The following GNB1 variants were observed in gnomAD, a reference collection of about 807,000 sequenced individuals.
GNB1 encodes G protein subunit beta 1, also known as guanine nucleotide-binding protein G(I)/G(S)/G(T) subunit beta-1.
Under a neutral mutation model 42.9 loss-of-function variants are expected in GNB1, and 2 were observed. The observed-to-expected ratio is 0.05, with a 90% CI of 0.02 to 0.15. The LOEUF is 0.15. Among genes scored for constraint, GNB1 ranks in the 10% least tolerant of loss-of-function variants. GNB1 has a pLI of 1.00. For synonymous variants in GNB1, 183 were observed against 174.7 expected (o/e 1.05, Z -0.38); for missense variants, 193 against 462.2 (o/e 0.42, Z 5.34).
At chr1:1,844,827 G>A (rs1270730537) in intron 1 of GNB1, among the ~76,000 whole-genome samples, 1 of 152,168 alleles carries the variant, frequency 6.6e-6, no homozygotes, top group Non-Finnish European at 1.5e-5. Context: ...TAAGTGTGGT[G>A]CACATGTAAC....
At chr1:1,837,235 G>C (rs1219451479) in intron 2 of GNB1, among the ~76,000 whole-genome samples, 2 of 150,796 alleles carry the variant, frequency 1.3e-5, no homozygotes, top group African/African-American at 4.9e-5. Context: ...TTATATTTAG[G>C]TATATGATCC....
chr1:1,817,970 C>T, intron 3 of GNB1, 95 bp from the exon 4 acceptor site: 2 of 928,718 alleles, frequency 2.2e-6, no homozygotes, highest in Admixed American at 1.8e-5. Context: ...CTTTCCTAAG[C>T]TGTCAGGAGC....
intron 1 of GNB1, among the ~76,000 whole-genome samples, chr1:1,858,295 G>T (rs180850521): frequency 6.6e-6 from 1 of 152,116 alleles, no homozygotes; most frequent in South Asian, 2.1e-4. Context: ...TTCATCTGTC[G>T]CATCTGTCAA....
chr1:1,852,030 C>T (rs769831683), intron 1 of GNB1, among the ~76,000 whole-genome samples: 8 of 150,986 alleles, frequency 5.3e-5, no homozygotes, highest in East Asian at 2.0e-4. Flanking sequence ...GCAACAAGAG[C>T]GAAACTCCGT....
In GNB1 at chr1:1,798,690, G is replaced by T. The variant is rs1570631502; in HGVS notation, c.431-5379C>A. ...CTGCTTTGATAAAAATCTGAGACTG[G>T]ATCAGAGGGCTGGAAATAAGCTTTT... On this transcript the variant is annotated intron_variant, in intron 7 of 11. Coordinates refer to ENST00000378609, the MANE Select transcript of GNB1 (RefSeq NM_002074.5). Among the ~76,000 whole-genome samples the T allele has an allele frequency of 2.6e-5, 4 of 152,182 alleles. No homozygotes were observed. The South Asian group carries it at 8.3e-4, about 32-fold the overall frequency.
intron 1 of GNB1, among the ~76,000 whole-genome samples, chr1:1,844,112 G>A (rs1451318454): frequency 2.0e-5 from 3 of 151,696 alleles, no homozygotes; most frequent in East Asian, 1.9e-4. Context: ...GGAGAATGGC[G>A]TGACCTCGGG....
intron 1 of GNB1, among the ~76,000 whole-genome samples, chr1:1,854,415 C>T (rs1436419089): frequency 6.6e-6 from 1 of 152,182 alleles, no homozygotes; most frequent in Non-Finnish European, 1.5e-5. Flanking sequence ...TTTATTGTCT[C>T]CATCCTGGAA....
intron 2 of GNB1, among the ~76,000 whole-genome samples, chr1:1,837,766 T>C (rs547271375): frequency 3.4e-5 from 5 of 148,048 alleles, no homozygotes; most frequent in African/African-American, 1.2e-4. Flanking sequence ...GGTTTCACCA[T>C]GTTGGCCAGG....
chr1:1,850,412 G>A (rs1276126177), intron 1 of GNB1, among the ~76,000 whole-genome samples: 1 of 151,728 alleles, frequency 6.6e-6, no homozygotes, highest in African/African-American at 2.4e-5. Context: ...GGATTACAAG[G>A]GTGAGCCACC....
At chr1:1,843,147 T>C (rs767678473) in intron 1 of GNB1, among the ~76,000 whole-genome samples, 1 of 152,226 alleles carries the variant, frequency 6.6e-6, no homozygotes, top group African/African-American at 2.4e-5. Context: ...TTTCAAGTAC[T>C]TTCCAGATCA....
chr1:1,873,833 C>T (rs894705423), intron 1 of GNB1, among the ~76,000 whole-genome samples: 3 of 152,068 alleles, frequency 2.0e-5, no homozygotes, highest in African/African-American at 7.2e-5. Context: ...AACTTGGCAC[C>T]GAGACTGCTG....
At chr1:1,889,443 C>A (rs1194047149) in intron 1 of GNB1, among the ~76,000 whole-genome samples, 1 of 152,194 alleles carries the variant, frequency 6.6e-6, no homozygotes, top group Non-Finnish European at 1.5e-5. Context: ...TGTACACCAA[C>A]TCCCTTTTCA....
chr1:1,845,830 C>CACAG (rs1487978909), intron 1 of GNB1, among the ~76,000 whole-genome samples: 3 of 45,116 alleles, frequency 6.6e-5, no homozygotes, highest in African/African-American at 1.5e-4. Context: ...TCCATACACA[C>CACAG]ACACACACAC....
chr1:1,834,633 A>G (rs576401700), intron 2 of GNB1, among the ~76,000 whole-genome samples: 25 of 151,320 alleles, frequency 1.7e-4, no homozygotes, highest in African/African-American at 6.1e-4. Flanking sequence ...ACAATCATGC[A>G]GCGCACACAA....
At chr1:1,882,033 G>A (rs970743343) in intron 1 of GNB1, among the ~76,000 whole-genome samples, 1 of 151,982 alleles carries the variant, frequency 6.6e-6, no homozygotes, top group Non-Finnish European at 1.5e-5. Flanking sequence ...GTGTCCCTGG[G>A]AGCCACAGCC....
At chr1:1,837,124 A>C (rs1211235411) in intron 2 of GNB1, among the ~76,000 whole-genome samples, 5 of 152,166 alleles carry the variant, frequency 3.3e-5, no homozygotes, top group African/African-American at 1.2e-4. Flanking sequence ...ATTTTGAACA[A>C]ATTCAATTTA....
intron 1 of GNB1, among the ~76,000 whole-genome samples, chr1:1,876,976 T>C (rs1371832948): frequency 6.6e-6 from 1 of 152,090 alleles, no homozygotes; most frequent in Non-Finnish European, 1.5e-5. Flanking sequence ...TTGGAAACAA[T>C]TACAAAGTAG....
rs545125904 is a variant in GNB1 at position 1,792,009 on chromosome 1, C to T, written c.497+1236G>A. Among the ~76,000 whole-genome samples, 42 of 152,206 alleles carry T rather than the reference C, an allele frequency of 2.8e-4. No homozygotes were observed. In the South Asian group the frequency reaches 8.7e-3, roughly 32 times the overall value. On this transcript the variant is annotated intron_variant, in intron 8 of 11. Transcript: ENST00000378609. ...CCCCACCAACTGCGTGACTAGGGGTCTGTGCCCTGGGCTGGGCACAGCTCC... is the reference window on the plus strand; with the variant it reads ...CCCCACCAACTGCGTGACTAGGGGTTTGTGCCCTGGGCTGGGCACAGCTCC...
intron 2 of GNB1, among the ~76,000 whole-genome samples, chr1:1,829,658 G>A (rs1449156804): frequency 6.6e-6 from 1 of 152,086 alleles, no homozygotes; most frequent in Non-Finnish European, 1.5e-5. Flanking sequence ...GACAGTGAAC[G>A]AAACAAAAAC....
Sources: gnomAD v4.1 joint callset for allele counts (sites outside exome capture counted in the v4.1 genomes callset) on GRCh38, gnomAD v4.1.1 for gene constraint, MANE v1.5 for transcripts, NCBI Gene and HGNC (gene_info 2026-07-23, HGNC 2026-07-21) for gene names.